Variants in EPHB1 observed in about 807,000 individuals in gnomAD.
EPHB1 encodes ephrin type-B receptor 1.
EPHB1 carries 30 observed loss-of-function variants against 94.4 expected under a neutral mutation model. That is an observed-to-expected ratio of 0.32 (90% CI 0.24 to 0.43). The LOEUF is 0.43. Among genes scored for constraint, EPHB1 ranks in the 20% least tolerant of loss-of-function variants. The probability of loss-of-function intolerance (pLI) is 1.00; values close to 1 mark genes in which losing one functional copy is unlikely to be tolerated. For synonymous variants in EPHB1, 522 were observed against 489.1 expected, an observed-to-expected ratio of 1.07 and a Z score of -0.89; for missense variants, 1,055 against 1,308.3, an observed-to-expected ratio of 0.81 and a Z score of 2.99.
intron 3 of EPHB1, among the ~76,000 whole-genome samples, chr3:134,981,176 C>T (rs1397739360): frequency 6.6e-6 from 1 of 152,216 alleles, no homozygotes; most frequent in Non-Finnish European, 1.5e-5. Context: ...TCATTTCCCA[C>T]ATGGTGCTCC....
intron 3 of EPHB1, among the ~76,000 whole-genome samples, chr3:134,961,384 G>C (rs1052509277): frequency 1.3e-5 from 2 of 152,166 alleles, no homozygotes; most frequent in African/African-American, 2.4e-5. Flanking sequence ...CACTTCCAGG[G>C]ATGGAACACC....
chr3:135,064,673 A>G (rs1288977312), intron 3 of EPHB1, among the ~76,000 whole-genome samples: 2 of 151,286 alleles, frequency 1.3e-5, no homozygotes, highest in Admixed American at 1.3e-4. Flanking sequence ...TATCTTTTGT[A>G]TTTTTTTTAA....
At chr3:134,996,151 C>T (rs1934988156) in intron 3 of EPHB1, among the ~76,000 whole-genome samples, 1 of 152,068 alleles carries the variant, frequency 6.6e-6, no homozygotes, top group Non-Finnish European at 1.5e-5. Context: ...TAATTAGGTT[C>T]CTTATTTACA....
At chr3:134,977,813 G>A (rs979163696) in intron 3 of EPHB1, among the ~76,000 whole-genome samples, 3 of 152,160 alleles carry the variant, frequency 2.0e-5, no homozygotes, top group African/African-American at 7.2e-5. Context: ...AGGAGTAGAG[G>A]CCTGACCCCA....
At chr3:134,974,437 G>A (rs1420032569) in intron 3 of EPHB1, among the ~76,000 whole-genome samples, 1 of 152,138 alleles carries the variant, frequency 6.6e-6, no homozygotes, top group Non-Finnish European at 1.5e-5. Flanking sequence ...ATTTCCTAGG[G>A]TGTTATGGGA....
intron 3 of EPHB1, among the ~76,000 whole-genome samples, chr3:135,105,312 C>T (rs1176279816): frequency 1.3e-5 from 2 of 152,164 alleles, no homozygotes; most frequent in Admixed American, 1.3e-4. Flanking sequence ...GTCATGTTTT[C>T]AGCAGGAACA....
chr3:134,819,092 G>C (rs2036330089), intron 1 of EPHB1, among the ~76,000 whole-genome samples: 1 of 152,196 alleles, frequency 6.6e-6, no homozygotes, highest in African/African-American at 2.4e-5. Context: ...ATAGAAAGGG[G>C]TCTAAACATG....
At chr3:135,207,911 A>G (rs1418011043) in intron 12 of EPHB1, among the ~76,000 whole-genome samples, 1 of 152,182 alleles carries the variant, frequency 6.6e-6, no homozygotes, top group African/African-American at 2.4e-5. Flanking sequence ...AAGCACATCA[A>G]TCCCATCTTG....
At chr3:135,003,192 AT>A (rs1488628546) in intron 3 of EPHB1, among the ~76,000 whole-genome samples, 1 of 149,588 alleles carries the variant, frequency 6.7e-6, no homozygotes, top group African/African-American at 2.4e-5. Flanking sequence ...GAACATCTTT[AT>A]TTCTGCCTTC....
chr3:135,177,221 T>C (rs1942005475), intron 9 of EPHB1, among the ~76,000 whole-genome samples: 1 of 152,110 alleles, frequency 6.6e-6, no homozygotes, highest in African/African-American at 2.4e-5. Flanking sequence ...AGTAAAAGGT[T>C]TGGGGGCCCT....
intron 14 of EPHB1, 62 bp downstream of exon 14, chr3:135,248,571 G>A (rs1458532073): frequency 6.8e-6 from 10 of 1,468,288 alleles, no homozygotes; most frequent in Non-Finnish European, 2.8e-6. Flanking sequence ...GGCATAGCCA[G>A]CAGCCTCTGA....
At chr3:134,946,849 T>G (rs909754219) in intron 2 of EPHB1, among the ~76,000 whole-genome samples, 2 of 152,188 alleles carry the variant, frequency 1.3e-5, no homozygotes, top group South Asian at 2.1e-4. Flanking sequence ...TAGATTGTGG[T>G]GCCATGCTTC....
chr3:135,046,225 T>A (rs544875392), intron 3 of EPHB1, among the ~76,000 whole-genome samples: 2 of 152,254 alleles, frequency 1.3e-5, no homozygotes, highest in African/African-American at 4.8e-5. Context: ...AAAAGAGCCA[T>A]GAGACCAAAA....
intron 11 of EPHB1, among the ~76,000 whole-genome samples, chr3:135,195,867 G>A (rs1233773137): frequency 2.3e-5 from 3 of 130,080 alleles, no homozygotes; most frequent in Non-Finnish European, 4.7e-5. Flanking sequence ...GGATGGCTGG[G>A]TCAAATGGTA....
Position 135,249,097 on chromosome 3 carries a change from T to C in EPHB1, c.2691-239T>C, listed in dbSNP as rs1363051348. Among the ~76,000 whole-genome samples the C allele has an allele frequency of 3.9e-5, 6 of 152,314 alleles. No individual in the cohort carries two copies. The East Asian group carries it at 1.2e-3, about 29-fold the overall frequency. On this transcript the variant is annotated intron_variant, in intron 14 of 15. Coordinates refer to ENST00000398015, the MANE Select transcript of EPHB1 (RefSeq NM_004441.5). Reference sequence around the variant, plus strand: ...CTTCAGACTGAACGCTATGTCAACCTGTCTGTCTGGGTTAACTGAACTGTG... The same window carrying C: ...CTTCAGACTGAACGCTATGTCAACCCGTCTGTCTGGGTTAACTGAACTGTG...
chr3:134,877,775 A>G (rs1010798366), intron 1 of EPHB1, among the ~76,000 whole-genome samples: 2 of 152,148 alleles, frequency 1.3e-5, no homozygotes, highest in Non-Finnish European at 2.9e-5. Context: ...GCAGCCTGTC[A>G]TACCCGTGGT....
chr3:135,112,725 T>C (rs931308578), intron 4 of EPHB1, among the ~76,000 whole-genome samples: 2 of 152,046 alleles, frequency 1.3e-5, no homozygotes, highest in South Asian at 2.1e-4. Flanking sequence ...GAACTCATCA[T>C]TTTTTATGGC....
chr3:135,121,191 T>C (rs1939947385), intron 4 of EPHB1, among the ~76,000 whole-genome samples: 1 of 152,228 alleles, frequency 6.6e-6, no homozygotes, highest in Non-Finnish European at 1.5e-5. Flanking sequence ...TGAGATCCTT[T>C]ACCTGCAAGG....
At chr3:134,896,950 C>T (rs1214148393) in intron 1 of EPHB1, among the ~76,000 whole-genome samples, 1 of 152,230 alleles carries the variant, frequency 6.6e-6, no homozygotes, top group African/African-American at 2.4e-5. Flanking sequence ...GTGTCATGCT[C>T]CTTGCGTAAT....
Sources: gnomAD v4.1 joint callset for allele counts (sites outside exome capture counted in the v4.1 genomes callset) on GRCh38, gnomAD v4.1.1 for gene constraint, MANE v1.5 for transcripts, NCBI Gene and HGNC (gene_info 2026-07-23, HGNC 2026-07-21) for gene names.